The following SCGB2B2 variants were observed in gnomAD, a reference collection of about 807,000 sequenced individuals.
SCGB2B2 encodes secretoglobin-like protein.
In SCGB2B2, 11 loss-of-function variants were observed where a neutral mutation model predicts 7.6. That is an observed-to-expected ratio of 1.45 (90% CI 0.91 to 2.40). The LOEUF is 2.40. SCGB2B2 is among the 30% of genes most tolerant of loss of function. The probability of loss-of-function intolerance (pLI) is 0.00; values close to 1 mark genes in which losing one functional copy is unlikely to be tolerated. For synonymous variants in SCGB2B2, 50 were observed against 48.6 expected (o/e 1.03, Z -0.12); for missense variants, 104 against 115.4 (o/e 0.90, Z 0.45).
At chr19:34,663,894 G>A (rs2067535045) in intron 1 of SCGB2B2, among the ~76,000 whole-genome samples, 1 of 152,120 alleles carries the variant, frequency 6.6e-6, no homozygotes, top group South Asian at 2.1e-4. Context: ...AAGAGACAAT[G>A]GGGAGAAGGA....
chr19:34,630,940 AATG>A (rs2066512415), intron 1 of SCGB2B2, among the ~76,000 whole-genome samples: 1 of 152,006 alleles, frequency 6.6e-6, no homozygotes, highest in South Asian at 2.1e-4. Flanking sequence ...AGCCATAAAA[AATG>A]ATGAGTTCAT....
chr19:34,612,018 AATTCTTTTTTTTTTTT>A (rs2065942762), intron 1 of SCGB2B2, among the ~76,000 whole-genome samples: 2 of 78,612 alleles, frequency 2.5e-5, no homozygotes, highest in Non-Finnish European at 5.2e-5. Context: ...TGTTTTAGAA[AATTCTTTTTTTTTTTT>A]TTTTTTTTTT....
At chr19:34,622,176 T>G (rs2066259407) in intron 1 of SCGB2B2, among the ~76,000 whole-genome samples, 1 of 152,232 alleles carries the variant, frequency 6.6e-6, no homozygotes, top group Non-Finnish European at 1.5e-5. Context: ...AGCTCCTTGC[T>G]TAGGTAACCT....
At chr19:34,671,723 C>T (rs1159719131) in intron 1 of SCGB2B2, among the ~76,000 whole-genome samples, 2 of 152,066 alleles carry the variant, frequency 1.3e-5, no homozygotes, top group Non-Finnish European at 2.9e-5. Context: ...ATGTTGTATG[C>T]TCTTGTAAAA....
intron 1 of SCGB2B2, among the ~76,000 whole-genome samples, chr19:34,613,434 T>C (rs1410578500): frequency 1.3e-5 from 2 of 152,228 alleles, no homozygotes; most frequent in Admixed American, 6.5e-5. Flanking sequence ...TATATCTTTA[T>C]AGGTGAAGTG....
At chr19:34,664,802 G>A (rs2067565786) in intron 1 of SCGB2B2, among the ~76,000 whole-genome samples, 1 of 151,904 alleles carries the variant, frequency 6.6e-6, no homozygotes, top group African/African-American at 2.4e-5. Flanking sequence ...TGACCCCTCT[G>A]CCACTCACCC....
intron 1 of SCGB2B2, among the ~76,000 whole-genome samples, chr19:34,600,263 T>A (rs1459250954): frequency 3.3e-5 from 5 of 152,192 alleles, no homozygotes; most frequent in African/African-American, 1.2e-4. Flanking sequence ...TTGTTCCCCA[T>A]TGTTGTTGAT....
intron 1 of SCGB2B2, among the ~76,000 whole-genome samples, chr19:34,641,297 T>G (rs1221109415): frequency 6.6e-6 from 1 of 152,196 alleles, no homozygotes; most frequent in Admixed American, 6.5e-5. Flanking sequence ...ACATCCATTG[T>G]GCACTGAATG....
chr19:34,659,265 A>G (rs897875070), intron 1 of SCGB2B2, among the ~76,000 whole-genome samples: 3 of 152,230 alleles, frequency 2.0e-5, no homozygotes, highest in Non-Finnish European at 4.4e-5. Flanking sequence ...CTCCTATTCA[A>G]CACAGTGTTG....
At chr19:34,644,948 G>C (rs1346477436) in intron 1 of SCGB2B2, among the ~76,000 whole-genome samples, 1 of 152,202 alleles carries the variant, frequency 6.6e-6, no homozygotes, top group African/African-American at 2.4e-5. Context: ...GAGCTTGGGA[G>C]GTGGGAATTG....
At chr19:34,629,045 A>G (rs2145935421) in intron 1 of SCGB2B2, among the ~76,000 whole-genome samples, 1 of 152,058 alleles carries the variant, frequency 6.6e-6, no homozygotes, top group Middle Eastern at 3.4e-3. Context: ...TAGATGCAGA[A>G]AAGGCCTTCA....
chr19:34,594,652 CGTGT>C lies in SCGB2B2; in HGVS notation c.-93_-90del, dbSNP rs3055684. 25,617 of 654,538 alleles carry C rather than the reference CGTGT, an allele frequency of 0.039. 235 individuals carry two copies. Among genetic ancestry groups the C allele is most frequent in the South Asian group, 0.083 (4,966 of 59,492 alleles). The allele number at this position is 654,538 out of a possible 1,614,324, so 40.5% of individuals were successfully genotyped here. On this transcript the variant is annotated 5_prime_UTR_variant, in exon 2 of 4. It removes the in-frame stop codon of an upstream open reading frame in the 5' UTR. Transcript: ENST00000601241. ...TATCTGAACAAGGCACATGCCTCTT[CGTGT>C]GTGTGTGTGTGTGTGTGTGTGTGTG...
rs181046622 is a variant in SCGB2B2 at position 34,650,667 on chromosome 19, A to G, written c.-2032+24963T>C. ...TCCAATGGCTTCATTGCAGAACTCA[A>G]CCAAACGTTTAGGAAGAAATAACAG... On this transcript the variant is annotated intron_variant, in intron 1 of 3. Transcript: ENST00000601241. Among the ~76,000 whole-genome samples the G allele has an allele frequency of 4.8e-4, 72 of 151,488 alleles. 7 individuals carry two copies. The highest frequency in any genetic ancestry group is 1.7e-3 in the African/African-American group (68 of 40,740).
chr19:34,608,660 C>CATATATATATATATATATATAT (rs71165673), intron 1 of SCGB2B2: 1,275 of 86,536 alleles, frequency 0.015, 89 homozygotes, highest in East Asian at 0.019. Flanking sequence ...TGTCTCATTG[C>CATATATATATATATATATATAT]ATATATATAT....
chr19:34,626,586 C>G (rs2066384760), intron 1 of SCGB2B2, among the ~76,000 whole-genome samples: 1 of 152,132 alleles, frequency 6.6e-6, no homozygotes, highest in Admixed American at 6.5e-5. Context: ...CGAACAAAGC[C>G]TCCAAGAAAT....
At chr19:34,633,569 C>A (rs111577323) in intron 1 of SCGB2B2, among the ~76,000 whole-genome samples, 3,160 of 152,160 alleles carry the variant, frequency 0.021, 44 homozygotes, top group Non-Finnish European at 0.031. Context: ...GAAAATAAGT[C>A]TACAGCAAAA....
chr19:34,611,984 CATT>C (rs1344459748), intron 1 of SCGB2B2, among the ~76,000 whole-genome samples: 1 of 113,018 alleles, frequency 8.8e-6, no homozygotes, highest in Non-Finnish European at 1.8e-5. Context: ...TTTATTAACT[CATT>C]GTTGAATTTT....
intron 1 of SCGB2B2, among the ~76,000 whole-genome samples, chr19:34,622,931 T>A (rs117440922): frequency 0.086 from 12,963 of 151,306 alleles, 700 homozygotes; most frequent in East Asian, 0.28. Flanking sequence ...TTTTTTTTTT[T>A]TTATTATCTA....
At chr19:34,617,408 G>T (rs1272860891) in intron 1 of SCGB2B2, among the ~76,000 whole-genome samples, 6 of 151,618 alleles carry the variant, frequency 4.0e-5, no homozygotes, top group African/African-American at 1.5e-4. Flanking sequence ...CACATCCCTT[G>T]TAAGTTGGAT....
Sources: allele counts gnomAD v4.1 joint callset (sites outside exome capture counted in the v4.1 genomes callset), GRCh38; gene constraint gnomAD v4.1.1; transcripts MANE v1.5; gene names NCBI Gene and HGNC (gene_info 2026-07-23, HGNC 2026-07-21).